NLGN1: variants seen among roughly 807,000 people sequenced by gnomAD.
NLGN1 encodes the protein neuroligin 1.
A neutral mutation model predicts 65.5 loss-of-function variants in NLGN1; 12 were observed. The ratio of observed to expected loss-of-function variants is 0.18; its 90% CI spans 0.12 to 0.30. The LOEUF (loss-of-function observed/expected upper bound fraction) is 0.30. NLGN1 is among the 10% of genes least tolerant of loss of function. NLGN1 has a pLI of 1.00. For missense variants in NLGN1, 750 were observed against 1,007.1 expected (o/e 0.74, Z 3.46); for synonymous variants, 350 against 359.5 (o/e 0.97, Z 0.30).
At chr3:174,196,601 G>A (rs905028494) in intron 4 of NLGN1, among the ~76,000 whole-genome samples, 2 of 152,034 alleles carry the variant, frequency 1.3e-5, no homozygotes, top group Non-Finnish European at 2.9e-5. Flanking sequence ...AATTTGGTGC[G>A]TTCTTAGAGT....
rs568586715 is a variant in NLGN1 at position 173,693,508 on chromosome 3, T to A, written c.493+88417T>A. ...ATAGAGTATTTATAAATTAAAATTATCTATTCATTGAAGAGAATTTTCTTT... is the reference window on the plus strand; with the variant it reads ...ATAGAGTATTTATAAATTAAAATTAACTATTCATTGAAGAGAATTTTCTTT... On this transcript the variant is annotated intron_variant, in intron 3 of 6. Coordinates refer to ENST00000457714, the Ensembl canonical transcript of NLGN1. Among the ~76,000 whole-genome samples the A allele has an allele frequency of 5.3e-5, 8 of 152,222 alleles. No individual in the cohort carries two copies. The East Asian group carries it at 1.5e-3, about 29-fold the overall frequency.
At chr3:173,624,396 CA>C (rs928459347) in intron 3 of NLGN1, among the ~76,000 whole-genome samples, 6 of 152,104 alleles carry the variant, frequency 3.9e-5, no homozygotes, top group African/African-American at 1.4e-4. Flanking sequence ...GAGCTTGTTT[CA>C]TTTGTTGCAA....
At chr3:174,035,878 G>C (rs1356710230) in intron 4 of NLGN1, among the ~76,000 whole-genome samples, 1 of 152,044 alleles carries the variant, frequency 6.6e-6, no homozygotes, top group Non-Finnish European at 1.5e-5. Context: ...GTGCTGACCT[G>C]TATATTAGTG....
chr3:174,021,580 G>A (rs1727759598), intron 4 of NLGN1, among the ~76,000 whole-genome samples: 1 of 152,188 alleles, frequency 6.6e-6, no homozygotes, highest in Non-Finnish European at 1.5e-5. Flanking sequence ...TGGAAGTAGT[G>A]TAATAGAAAC....
chr3:174,093,178 T>C (rs76369389), intron 4 of NLGN1, among the ~76,000 whole-genome samples: 2,826 of 152,322 alleles, frequency 0.019, 88 homozygotes, highest in African/African-American at 0.065. Flanking sequence ...GGAAAGGTAT[T>C]GTGCCAACAC....
intron 4 of NLGN1, among the ~76,000 whole-genome samples, chr3:174,115,342 A>G (rs1344922158): frequency 6.6e-6 from 1 of 152,178 alleles, no homozygotes; most frequent in Non-Finnish European, 1.5e-5. Context: ...ACAATATATA[A>G]TAGCCACTAT....
intron 3 of NLGN1, among the ~76,000 whole-genome samples, chr3:173,697,587 G>A (rs972990206): frequency 3.3e-5 from 5 of 151,964 alleles, no homozygotes; most frequent in Non-Finnish European, 7.4e-5. Context: ...GAGTGCAATG[G>A]TGCGATCTCA....
At position 174,131,911 on chromosome 3, in the gene NLGN1, A is replaced by G. The variant is rs986567367; in HGVS notation, c.647-143404A>G. ...AATCTCAACAGGTTCATACTTTCAG[A>G]AAAGTGTTCACAGTCTGGATGCCTA... On this transcript the variant is annotated intron_variant, in intron 4 of 6. Transcript: ENST00000457714. Among the ~76,000 whole-genome samples, 21 of 152,334 alleles carry G rather than the reference A, an allele frequency of 1.4e-4. No homozygotes were observed. In the East Asian group the frequency reaches 4.1e-3, roughly 29 times the overall value.
At chr3:174,233,228 T>C (rs890959741) in intron 4 of NLGN1, among the ~76,000 whole-genome samples, 5 of 152,122 alleles carry the variant, frequency 3.3e-5, no homozygotes, top group Non-Finnish European at 5.9e-5. Context: ...CACGCCAGTA[T>C]CCCAGCACTT....
At chr3:173,422,393 A>T (rs1285781400) in intron 1 of NLGN1, among the ~76,000 whole-genome samples, 1 of 152,184 alleles carries the variant, frequency 6.6e-6, no homozygotes. Flanking sequence ...ATGATCTAGC[A>T]ATCCTGACTC....
intron 4 of NLGN1, among the ~76,000 whole-genome samples, chr3:173,833,426 A>AT (rs1207622615): frequency 1.3e-5 from 2 of 151,716 alleles, no homozygotes; most frequent in East Asian, 1.9e-4. Flanking sequence ...TATTTTAGGT[A>AT]TTTTTTTAAA....
intron 4 of NLGN1, among the ~76,000 whole-genome samples, chr3:174,204,919 A>AT (rs1735121946): frequency 6.6e-6 from 1 of 152,158 alleles, no homozygotes; most frequent in Admixed American, 6.5e-5. Context: ...CCTAGTCTGC[A>AT]GGGGCTTATT....
intron 4 of NLGN1, among the ~76,000 whole-genome samples, chr3:174,054,802 GTCCGA>G (rs1735686358): frequency 6.6e-6 from 1 of 151,992 alleles, no homozygotes; most frequent in Non-Finnish European, 1.5e-5. Flanking sequence ...TATTCGCAAT[GTCCGA>G]TCTTATTTCT....
intron 3 of NLGN1, among the ~76,000 whole-genome samples, chr3:173,665,913 G>T (rs1284624149): frequency 6.6e-6 from 1 of 151,896 alleles, no homozygotes; most frequent in Non-Finnish European, 1.5e-5. Context: ...CCTTCCATTG[G>T]CATTATAACT....
intron 4 of NLGN1, among the ~76,000 whole-genome samples, chr3:174,270,350 G>T (rs1577718962): frequency 6.6e-6 from 1 of 151,414 alleles, no homozygotes; most frequent in South Asian, 2.1e-4. Flanking sequence ...CAACTTCATT[G>T]TTCTATATCT....
chr3:173,868,037 A>G (rs1730518594), intron 4 of NLGN1, among the ~76,000 whole-genome samples: 1 of 152,208 alleles, frequency 6.6e-6, no homozygotes, highest in African/African-American at 2.4e-5. Context: ...TCTTAAATAT[A>G]TTACAAACCT....
chr3:174,270,049 TA>T (rs1561438433), intron 4 of NLGN1, among the ~76,000 whole-genome samples: 2 of 151,630 alleles, frequency 1.3e-5, no homozygotes, highest in Non-Finnish European at 3.0e-5. Flanking sequence ...TGTTTAGTTG[TA>T]AAAATTTCTG....
intron 4 of NLGN1, among the ~76,000 whole-genome samples, chr3:174,095,259 ATAAAT>A (rs76885142): frequency 0.15 from 21,993 of 151,094 alleles, 1,922 homozygotes; most frequent in African/African-American, 0.23. Context: ...TTTATGAAAA[ATAAAT>A]TATATGGGTA....
At chr3:173,604,577 A>G (rs1751064164) in exon 3 of NLGN1, 2 of 1,610,500 alleles carry the variant, frequency 1.2e-6, no homozygotes, top group African/African-American at 1.3e-5. Flanking sequence ...TAACCAGACA[A>G]CTAGACAACT....
Sources: allele counts gnomAD v4.1 joint callset (sites outside exome capture counted in the v4.1 genomes callset), GRCh38; gene constraint gnomAD v4.1.1; transcripts MANE v1.5; gene names NCBI Gene and HGNC (gene_info 2026-07-23, HGNC 2026-07-21).